The following TASP1 variants were observed in gnomAD, a reference collection of about 807,000 sequenced individuals.
TASP1 encodes taspase 1, also known as threonine aspartase 1.
TASP1 carries 16 observed loss-of-function variants against 56.6 expected under a neutral mutation model. The observed-to-expected ratio is 0.28, with a 90% CI of 0.19 to 0.43. TASP1 has a LOEUF of 0.43. TASP1 is among the 20% of genes least tolerant of loss of function. The pLI is 1.00. For synonymous variants in TASP1, 179 were observed against 184.2 expected, an observed-to-expected ratio of 0.97 and a Z score of 0.23; for missense variants, 393 against 511.6, an observed-to-expected ratio of 0.77 and a Z score of 2.24.
intron 10 of TASP1, among the ~76,000 whole-genome samples, chr20:13,495,940 G>C (rs2043707300): frequency 1.3e-5 from 2 of 152,042 alleles, no homozygotes; most frequent in Admixed American, 1.3e-4. Flanking sequence ...CCAATACATA[G>C]ATTCCATAGG....
At chr20:13,546,059 T>C (rs746134970) in intron 8 of TASP1, among the ~76,000 whole-genome samples, 9 of 152,162 alleles carry the variant, frequency 5.9e-5, no homozygotes, top group Non-Finnish European at 1.3e-4. Flanking sequence ...TTTAATTCCT[T>C]CGGATCAAAT....
intron 4 of TASP1, among the ~76,000 whole-genome samples, chr20:13,588,931 C>T (rs1162411473): frequency 6.6e-6 from 1 of 151,904 alleles, no homozygotes; most frequent in African/African-American, 2.4e-5. Context: ...GTAATATAGA[C>T]ATATAGCTAA....
chr20:13,318,429 T>C, the TASP1 span, among the ~76,000 whole-genome samples: 72,252 of 152,086 alleles, frequency 0.48, 19,342 homozygotes, highest in African/African-American at 0.72. Context: ...TGTTTGCTTA[T>C]GAAATTAAAC....
intron 10 of TASP1, among the ~76,000 whole-genome samples, 189 bp from the exon 11 acceptor site, chr20:13,483,526 C>T (rs1385723967): frequency 1.3e-5 from 2 of 152,146 alleles, no homozygotes; most frequent in Non-Finnish European, 2.9e-5. Flanking sequence ...AGAAACTAAA[C>T]ACAAAGTTTA....
chr20:13,256,836 T>G, the TASP1 span, among the ~76,000 whole-genome samples: 1 of 152,250 alleles, frequency 6.6e-6, no homozygotes, highest in East Asian at 1.9e-4. Context: ...GTGGGAAGCT[T>G]TGAAAGCCAA....
chr20:13,451,724 C>A (rs2043626532), intron 11 of TASP1, among the ~76,000 whole-genome samples: 1 of 152,082 alleles, frequency 6.6e-6, no homozygotes, highest in African/African-American at 2.4e-5. Context: ...TCCTTATCAT[C>A]TGTGTGTTCA....
At chr20:13,491,159 C>A (rs2043512545) in intron 10 of TASP1, among the ~76,000 whole-genome samples, 1 of 152,124 alleles carries the variant, frequency 6.6e-6, no homozygotes, top group Non-Finnish European at 1.5e-5. Flanking sequence ...AAAATGACCA[C>A]CTAGGTAAAC....
the TASP1 span, among the ~76,000 whole-genome samples, chr20:13,255,583 G>A: frequency 2.0e-5 from 3 of 152,156 alleles, no homozygotes; most frequent in Non-Finnish European, 2.9e-5. Flanking sequence ...TTTTCTATGT[G>A]GATAAGGGAA....
chr20:13,381,386 C>A, the TASP1 span, among the ~76,000 whole-genome samples: 1 of 152,192 alleles, frequency 6.6e-6, no homozygotes, highest in African/African-American at 2.4e-5. Context: ...CTGCTTCTAA[C>A]CCTTCATGGG....
chr20:13,358,158 C>G, the TASP1 span, among the ~76,000 whole-genome samples: 1 of 152,204 alleles, frequency 6.6e-6, no homozygotes, highest in Non-Finnish European at 1.5e-5. Context: ...GAGAACAAAC[C>G]CCCTTTGACT....
At chr20:13,221,380 C>A in the TASP1 span, among the ~76,000 whole-genome samples, 2 of 147,994 alleles carry the variant, frequency 1.4e-5, no homozygotes, top group Non-Finnish European at 3.0e-5. Context: ...CTGCGCCCGC[C>A]CCGCCGCCGA....
intron 12 of TASP1, among the ~76,000 whole-genome samples, chr20:13,422,106 C>T (rs924400978): frequency 6.6e-6 from 1 of 151,910 alleles, no homozygotes; most frequent in East Asian, 1.9e-4. Context: ...CGCCCACCAC[C>T]ACGCCCGGCT....
chr20:13,571,345 A>G (rs1375513806), intron 6 of TASP1, among the ~76,000 whole-genome samples: 4 of 152,230 alleles, frequency 2.6e-5, no homozygotes, highest in African/African-American at 9.6e-5. Flanking sequence ...AACTATACTG[A>G]CATGTCAAAA....
chr20:13,422,204 C>T (rs948057736), intron 12 of TASP1, among the ~76,000 whole-genome samples: 1 of 151,910 alleles, frequency 6.6e-6, no homozygotes, highest in Non-Finnish European at 1.5e-5. Flanking sequence ...CCGCGTGCCT[C>T]GGCCTCCCAA....
intron 4 of TASP1, among the ~76,000 whole-genome samples, chr20:13,620,010 C>T (rs538609689): frequency 6.6e-6 from 1 of 152,226 alleles, no homozygotes; most frequent in Non-Finnish European, 1.5e-5. Flanking sequence ...GCCACCTTCC[C>T]TCCCAAAACT....
At chr20:13,168,421 G>T in the TASP1 span, 7 of 152,252 alleles carry the variant, frequency 4.6e-5, no homozygotes, top group East Asian at 1.4e-3. Context: ...GACCTTAGGT[G>T]ATCCTCCCAC....
chr20:13,271,990 GCTGGGCTCAAACTC>G, the TASP1 span, among the ~76,000 whole-genome samples: 16 of 151,998 alleles, frequency 1.1e-4, no homozygotes, highest in South Asian at 3.1e-3. Context: ...TATCGCTCAG[GCTGGGCTCAAACTC>G]CTGGGCTCAA....
At chr20:13,248,250 C>T in the TASP1 span, among the ~76,000 whole-genome samples, 1 of 152,108 alleles carries the variant, frequency 6.6e-6, no homozygotes, top group Non-Finnish European at 1.5e-5. Context: ...TCTTGTTGCT[C>T]CACTTGAAGC....
chr20:13,480,541 T>C (rs533377482), intron 11 of TASP1, among the ~76,000 whole-genome samples: 138 of 152,280 alleles, frequency 9.1e-4, no homozygotes, highest in Non-Finnish European at 1.7e-3. Context: ...TGGGGCTCAA[T>C]ATGTATTAGG....
Sources: gnomAD v4.1 joint callset for allele counts (sites outside exome capture counted in the v4.1 genomes callset) on GRCh38, gnomAD v4.1.1 for gene constraint, MANE v1.5 for transcripts, NCBI Gene and HGNC (gene_info 2026-07-23, HGNC 2026-07-21) for gene names.